ADORA2B: variants seen among roughly 807,000 people sequenced by gnomAD.
ADORA2B encodes adenosine receptor A2b.
In ADORA2B, 18 loss-of-function variants were observed where a neutral mutation model predicts 20.8. The observed-to-expected ratio is 0.87, with a 90% CI of 0.60 to 1.29. The LOEUF is 1.29. Ranked by LOEUF, ADORA2B falls within the 50% of genes most tolerant of loss-of-function variation. ADORA2B has a pLI of 0.00. For missense variants in ADORA2B, 441 were observed against 422.7 expected (o/e 1.04, Z -0.38); for synonymous variants, 179 against 178.3 (o/e 1.00, Z -0.03).
At position 15,975,532 on chromosome 17, in the gene ADORA2B, T is replaced by C. The variant is rs565139493; in HGVS notation, c.*190T>C. The C allele has an allele frequency of 1.6e-6, 1 of 606,908 alleles. No homozygotes were observed. The highest frequency in any genetic ancestry group is 2.9e-6 in the Non-Finnish European group (1 of 347,764). 37.6% of individuals were successfully genotyped at this position (606,908 alleles called of 1,614,324 possible). On this transcript the variant is annotated 3_prime_UTR_variant, in exon 2 of 2. Coordinates refer to ENST00000304222, the MANE Select transcript of ADORA2B (RefSeq NM_000676.4). ...GTAGTAGGCTCCAAGGATTGACAAA[T>C]ATATTTATGATCTATTCAGCTGCTT...
At chr17:15,935,235 G>A in the ADORA2B span, among the ~76,000 whole-genome samples, 9 of 152,050 alleles carry the variant, frequency 5.9e-5, no homozygotes, top group Admixed American at 5.9e-4. Flanking sequence ...AATAGCTTTA[G>A]TATTTATTGT....
At chr17:15,874,115 C>CAT in the ADORA2B span, among the ~76,000 whole-genome samples, 1 of 107,144 alleles carries the variant, frequency 9.3e-6, no homozygotes, top group Non-Finnish European at 2.2e-5. Flanking sequence ...CACATATATA[C>CAT]ATACACACAC....
chr17:15,903,232 G>GC, the ADORA2B span, among the ~76,000 whole-genome samples: 1 of 152,166 alleles, frequency 6.6e-6, no homozygotes, highest in East Asian at 1.9e-4. Flanking sequence ...ATGGCATCAA[G>GC]CCCTCAACCT....
At chr17:15,885,354 A>T in the ADORA2B span, among the ~76,000 whole-genome samples, 2 of 152,198 alleles carry the variant, frequency 1.3e-5, no homozygotes, top group African/African-American at 4.8e-5. Flanking sequence ...GCAAGGTCAA[A>T]CATAGACAGA....
the ADORA2B span, among the ~76,000 whole-genome samples, chr17:15,911,325 T>G: frequency 3.4e-4 from 52 of 152,354 alleles, no homozygotes; most frequent in African/African-American, 1.1e-3. Context: ...TGGGGGAAAG[T>G]AATATCCCAA....
In ADORA2B at chr17:15,945,327, C is replaced by T. The variant is rs1226344041; in HGVS notation, c.79C>T (p.Leu27=). ...IAALSVAGNV[L]VCAAVGTANT... Reference sequence around the variant, plus strand: ...CGCGCTTTCGGTGGCGGGCAACGTGCTGGTGTGCGCCGCGGTGGGCACGGC... The same window carrying T: ...CGCGCTTTCGGTGGCGGGCAACGTGTTGGTGTGCGCCGCGGTGGGCACGGC... Residue 27 remains leucine, a synonymous_variant, in exon 1 of 2, where the codon CTG becomes TTG. Transcript: ENST00000304222. 6.3e-7 allele frequency: 1 copy of T among 1,598,104 alleles called. No individual in the cohort carries two copies. The highest frequency in any genetic ancestry group is 1.1e-5 in the South Asian group (1 of 89,472).
At chr17:15,901,320 C>T in the ADORA2B span, among the ~76,000 whole-genome samples, 1 of 151,930 alleles carries the variant, frequency 6.6e-6, no homozygotes, top group African/African-American at 2.4e-5. Flanking sequence ...ACAAAATTAG[C>T]CGGGTGTGGT....
chr17:15,868,763 G>C, the ADORA2B span, among the ~76,000 whole-genome samples: 1 of 146,800 alleles, frequency 6.8e-6, no homozygotes, highest in African/African-American at 2.5e-5. Flanking sequence ...CTGGGCGACA[G>C]AGTGAGACTC....
In ADORA2B at chr17:15,975,091, G is replaced by T. The variant is rs769532717; in HGVS notation, c.748G>T (p.Val250Leu). ...GATTTTTGCCCTGTGCTGGTTACCT[G>T]TGCATGCTGTTAACTGTGTCACTCT... ...VGIFALCWLP[V>L]HAVNCVTLFQ... is the part of the protein sequence containing the mutation. The change falls in exon 2 of 2, where the codon GTG becomes TTG. Residue 250 changes from valine to leucine, a missense_variant. By Grantham distance (32) the Val-to-Leu change is conservative. Transcript: ENST00000304222. 6.2e-6 allele frequency: 10 copies of T among 1,614,066 alleles called. No individual in the cohort carries two copies. Among genetic ancestry groups the T allele is most frequent in the Non-Finnish European group, 8.5e-6 (10 of 1,180,034 alleles).
At chr17:15,956,146 A>G (rs1414642739) in intron 1 of ADORA2B, among the ~76,000 whole-genome samples, 4 of 152,194 alleles carry the variant, frequency 2.6e-5, no homozygotes, top group Admixed American at 6.5e-5. Context: ...TTTTCAATAC[A>G]ATTTTAGCAT....
At chr17:15,904,533 A>G in the ADORA2B span, among the ~76,000 whole-genome samples, 3 of 151,048 alleles carry the variant, frequency 2.0e-5, no homozygotes, top group Admixed American at 2.0e-4. Context: ...GACTACAGGC[A>G]CCCGCCACCA....
At chr17:15,959,360 T>G (rs1277429284) in intron 1 of ADORA2B, among the ~76,000 whole-genome samples, 2 of 152,202 alleles carry the variant, frequency 1.3e-5, no homozygotes, top group Non-Finnish European at 2.9e-5. Context: ...AGTGTATTGT[T>G]TCACAGCTTT....
chr17:15,915,063 G>A, the ADORA2B span, among the ~76,000 whole-genome samples: 226 of 152,342 alleles, frequency 1.5e-3, 2 homozygotes, highest in East Asian at 1.9e-3. Context: ...GTTCAGAAGT[G>A]CAGCATAGCC....
chr17:15,863,422 T>C, the ADORA2B span, among the ~76,000 whole-genome samples: 31 of 152,298 alleles, frequency 2.0e-4, no homozygotes, highest in Admixed American at 1.0e-3. Context: ...CATAATTCAC[T>C]ACATCCTTGA....
chr17:15,973,646 G>A (rs1243603776), intron 1 of ADORA2B, among the ~76,000 whole-genome samples: 3 of 152,164 alleles, frequency 2.0e-5, no homozygotes, highest in South Asian at 4.1e-4. Flanking sequence ...TACGCTGTGC[G>A]CTCCTTATGA....
At chr17:15,918,318 G>A in the ADORA2B span, among the ~76,000 whole-genome samples, 16 of 152,168 alleles carry the variant, frequency 1.1e-4, no homozygotes, top group Non-Finnish European at 2.1e-4. Flanking sequence ...GCATTGCTGT[G>A]GGCTTATATC....
At chr17:15,868,028 G>A in the ADORA2B span, among the ~76,000 whole-genome samples, 2 of 148,760 alleles carry the variant, frequency 1.3e-5, no homozygotes, top group Non-Finnish European at 3.0e-5. Flanking sequence ...TCTGTACTAA[G>A]AAAAATTCTT....
upstream of ADORA2B, among the ~76,000 whole-genome samples, chr17:15,942,541 A>G (rs1232762392): frequency 6.6e-6 from 1 of 152,198 alleles, no homozygotes; most frequent in African/African-American, 2.4e-5. Context: ...GATTCAGGGA[A>G]GGTTTCCTGA....
At chr17:15,867,179 G>A in the ADORA2B span, among the ~76,000 whole-genome samples, 2 of 152,186 alleles carry the variant, frequency 1.3e-5, no homozygotes, top group Admixed American at 1.3e-4. Context: ...CCAAAGTGCC[G>A]AGATTGCAGC....
Sources: allele counts gnomAD v4.1 joint callset (sites outside exome capture counted in the v4.1 genomes callset), GRCh38; gene constraint gnomAD v4.1.1; transcripts MANE v1.5; gene names NCBI Gene and HGNC (gene_info 2026-07-23, HGNC 2026-07-21).